PCYT1B: variants seen among roughly 807,000 people sequenced by gnomAD.
The protein encoded by PCYT1B is phosphate cytidylyltransferase 1B, choline.
In PCYT1B, 10 loss-of-function variants were observed where a neutral mutation model predicts 26.4. The ratio of observed to expected loss-of-function variants is 0.38; its 90% CI spans 0.23 to 0.64. The LOEUF is 0.64. PCYT1B is among the 30% of genes least tolerant of loss of function. The pLI is 0.56. For missense variants in PCYT1B, 161 were observed against 292.7 expected, an observed-to-expected ratio of 0.55 and a Z score of 3.28; for synonymous variants, 131 against 108.4, an observed-to-expected ratio of 1.21 and a Z score of -1.29.
intron 2 of PCYT1B, among the ~76,000 whole-genome samples, chrX:24,614,050 C>G (rs1925403607): frequency 9.1e-6 from 1 of 109,679 alleles, no homozygotes; most frequent in African/African-American, 3.3e-5. Context: ...ATGAAACAAT[C>G]TCCTGGACTT....
At chrX:24,577,102 G>T (rs1452525825) in intron 6 of PCYT1B, among the ~76,000 whole-genome samples, 1 of 111,275 alleles carries the variant, frequency 9.0e-6, no homozygotes, top group Non-Finnish European at 1.9e-5. Flanking sequence ...ACCTCTCCCT[G>T]ACCTGAAGGA....
At chrX:24,611,299 G>T (rs748077235) in intron 2 of PCYT1B, among the ~76,000 whole-genome samples, 14 of 111,190 alleles carry the variant, frequency 1.3e-4, no homozygotes, top group Non-Finnish European at 2.6e-4. Flanking sequence ...AACAGAGTAT[G>T]GCTTTTTAGT....
intron 1 of PCYT1B, among the ~76,000 whole-genome samples, chrX:24,663,680 C>T (rs769648308): frequency 1.8e-5 from 2 of 111,411 alleles, no homozygotes; most frequent in East Asian, 2.8e-4. Context: ...TTTGGGAGGC[C>T]GAGGCTGGGG....
At chrX:24,656,551 CTTTT>C (rs1179469896) in intron 1 of PCYT1B, among the ~76,000 whole-genome samples, 1 of 56,637 alleles carries the variant, frequency 1.8e-5, no homozygotes, top group African/African-American at 7.4e-5. Flanking sequence ...TCTTTTTTTC[CTTTT>C]TTTTTTTTTT....
intron 1 of PCYT1B, chrX:24,621,910 C>T (rs751031687): frequency 2.6e-4 from 136 of 516,238 alleles, no homozygotes; most frequent in Non-Finnish European, 3.1e-4. Context: ...AGATAGGGAA[C>T]GTTGTAAAGC....
At chrX:24,581,629 CT>C (rs112299068) in intron 5 of PCYT1B, among the ~76,000 whole-genome samples, 11 of 112,574 alleles carry the variant, frequency 9.8e-5, no homozygotes, top group African/African-American at 2.6e-4. Context: ...TATAAAATAA[CT>C]TGTTCAACAA....
intron 1 of PCYT1B, among the ~76,000 whole-genome samples, chrX:24,634,196 G>A (rs1926199910): frequency 8.9e-6 from 1 of 112,057 alleles, no homozygotes; most frequent in Admixed American, 9.5e-5. Context: ...TGGAATTACA[G>A]GCATGAGCCA....
At chrX:24,603,895 G>A (rs1925042819) in intron 3 of PCYT1B, among the ~76,000 whole-genome samples, 1 of 111,145 alleles carries the variant, frequency 9.0e-6, no homozygotes, top group African/African-American at 3.3e-5. Context: ...ACTTTGTTTT[G>A]TTTACAATTT....
chrX:24,598,654 T>C (rs1470314400), intron 3 of PCYT1B, among the ~76,000 whole-genome samples: 1 of 112,132 alleles, frequency 8.9e-6, no homozygotes, highest in East Asian at 2.7e-4. Flanking sequence ...TATTGTCTTG[T>C]CTTGTTTATA....
intron 3 of PCYT1B, among the ~76,000 whole-genome samples, chrX:24,594,562 C>T (rs1343953939): frequency 9.0e-6 from 1 of 111,705 alleles, no homozygotes; most frequent in East Asian, 2.8e-4. Flanking sequence ...GAGATAATGG[C>T]CTACTGATAG....
chrX:24,601,241 C>T (rs2148242014), intron 3 of PCYT1B, among the ~76,000 whole-genome samples: 1 of 112,157 alleles, frequency 8.9e-6, no homozygotes, highest in South Asian at 3.7e-4. Flanking sequence ...GCCTGTAGTC[C>T]CAGCACTTTG....
intron 3 of PCYT1B, among the ~76,000 whole-genome samples, chrX:24,606,838 G>A (rs1157952936): frequency 2.8e-5 from 3 of 106,681 alleles, no homozygotes. Context: ...CTGCACTCCA[G>A]TTGGGCGACA....
intron 1 of PCYT1B, among the ~76,000 whole-genome samples, chrX:24,668,698 T>A (rs1475970478): frequency 9.3e-6 from 1 of 107,870 alleles, no homozygotes; most frequent in African/African-American, 3.4e-5. Context: ...AGGAGGAAGG[T>A]TCCTTCCTCC....
chrX:24,579,308 A>C lies in PCYT1B; in HGVS notation c.708+8T>G. ...TGGTCTTCAGAGGGTTTGAGGTGGC[A>C]TGCTTACATTTATAAAGCTGACATT... On this transcript the variant is annotated splice_region_variant and intron_variant, in intron 6 of 7. Coordinates refer to ENST00000379144, the MANE Select transcript of PCYT1B (RefSeq NM_004845.5). 8.3e-7 allele frequency: 1 copy of C among 1,208,793 alleles called. No individual in the cohort carries two copies. The highest frequency in any genetic ancestry group is 3.0e-5 in the East Asian group (1 of 33,794).
chrX:24,616,653 G>A (rs12009280), intron 2 of PCYT1B, among the ~76,000 whole-genome samples: 1 of 112,112 alleles, frequency 8.9e-6, no homozygotes, highest in Non-Finnish European at 1.9e-5. Context: ...TTAAAATGCA[G>A]ATGGCTTGCC....
At chrX:24,583,316 C>A (rs758161932) in intron 5 of PCYT1B, among the ~76,000 whole-genome samples, 29 of 111,722 alleles carry the variant, frequency 2.6e-4, no homozygotes, top group Non-Finnish European at 4.5e-4. Context: ...ATGATCATAG[C>A]CAGCATCCAA....
intron 7 of PCYT1B, among the ~76,000 whole-genome samples, chrX:24,570,339 C>T (rs1407444188): frequency 2.8e-5 from 3 of 108,446 alleles, no homozygotes; most frequent in African/African-American, 3.3e-5. Context: ...TTGCAACCTC[C>T]GCCTCCCGGG....
At chrX:24,582,381 C>T (rs1924235753) in intron 5 of PCYT1B, among the ~76,000 whole-genome samples, 1 of 112,135 alleles carries the variant, frequency 8.9e-6, no homozygotes, top group Admixed American at 9.5e-5. Flanking sequence ...TTTGCTTTGG[C>T]TGGTTGGGAG....
At chrX:24,672,623 G>A in exon 1 of PCYT1B, 3 of 1,201,972 alleles carry the variant, frequency 2.5e-6, no homozygotes, top group Non-Finnish European at 2.3e-6. Context: ...CACTCCTGAT[G>A]GCCTACCATG....
Sources: gnomAD v4.1 joint callset for allele counts (sites outside exome capture counted in the v4.1 genomes callset) on GRCh38, gnomAD v4.1.1 for gene constraint, MANE v1.5 for transcripts, NCBI Gene and HGNC (gene_info 2026-07-23, HGNC 2026-07-21) for gene names.